The following DNM3 variants were observed in gnomAD, a reference collection of about 807,000 sequenced individuals.
The protein encoded by DNM3 is dynamin 3, also known as dynamin-3.
DNM3 carries 47 observed loss-of-function variants against 101.6 expected under a neutral mutation model. The ratio of observed to expected loss-of-function variants is 0.46; its 90% confidence interval spans 0.37 to 0.59. DNM3 has a LOEUF of 0.59. DNM3 is among the 20% of genes least tolerant of loss of function. DNM3 has a pLI of 0.00. For synonymous variants in DNM3, 385 were observed against 387.9 expected (o/e 0.99, Z 0.09); for missense variants, 849 against 1,085.7 (o/e 0.78, Z 3.06).
In DNM3 at chr1:171,841,858, C is replaced by G. The variant is rs200965337; in HGVS notation, c.161+41C>G. On this transcript the variant is annotated intron_variant, in intron 1 of 20. Coordinates refer to ENST00000627582, the MANE Select transcript of DNM3 (RefSeq NM_015569.5). ...GCGGAGTAAGGATGCGGCAGTGGGG[C>G]GACCCCGCTGCGGGCCGTTGGAACG... is the stretch of plus-strand genomic sequence containing the variant. 1,180 of 1,578,108 alleles carry G rather than the reference C, an allele frequency of 7.5e-4. 18 individuals carry two copies. In the East Asian group the frequency reaches 0.024, roughly 32 times the overall value.
intron 16 of DNM3, among the ~76,000 whole-genome samples, chr1:172,322,456 C>CTTA (rs1180825024): frequency 7.9e-5 from 12 of 152,204 alleles, no homozygotes; most frequent in Non-Finnish European, 1.8e-4. Flanking sequence ...GAATCACCGT[C>CTTA]TTATTTTTTT....
chr1:172,186,312 C>A (rs930590657), intron 14 of DNM3, among the ~76,000 whole-genome samples: 2 of 151,516 alleles, frequency 1.3e-5, no homozygotes, highest in Non-Finnish European at 2.9e-5. Flanking sequence ...CCCAGAAAGG[C>A]AACATGACCT....
chr1:172,109,547 A>G (rs1350170050), intron 13 of DNM3, among the ~76,000 whole-genome samples: 1 of 152,204 alleles, frequency 6.6e-6, no homozygotes, highest in Non-Finnish European at 1.5e-5. Context: ...CCTGGAGTTC[A>G]TAATTCATGT....
At chr1:172,287,084 G>A (rs546554816) in intron 15 of DNM3, among the ~76,000 whole-genome samples, 1 of 152,264 alleles carries the variant, frequency 6.6e-6, no homozygotes, top group South Asian at 2.1e-4. Context: ...CTCTTTTGAG[G>A]GGAAGAAAAT....
intron 17 of DNM3, among the ~76,000 whole-genome samples, chr1:172,373,570 A>C (rs2068456214): frequency 6.6e-6 from 1 of 152,090 alleles, no homozygotes; most frequent in Non-Finnish European, 1.5e-5. Context: ...TTTATTATAA[A>C]TGCAGCCATA....
At chr1:171,890,609 C>T (rs2037183053) in intron 1 of DNM3, among the ~76,000 whole-genome samples, 1 of 152,038 alleles carries the variant, frequency 6.6e-6, no homozygotes, top group Non-Finnish European at 1.5e-5. Flanking sequence ...GAAAAGATAT[C>T]ATTAAGTTGT....
At chr1:171,888,473 T>C (rs2036975363) in intron 1 of DNM3, among the ~76,000 whole-genome samples, 1 of 152,240 alleles carries the variant, frequency 6.6e-6, no homozygotes, top group Admixed American at 6.5e-5. Flanking sequence ...TTCTGCAGTA[T>C]AGAGGAAAGG....
chr1:172,294,789 G>A (rs2064081327), intron 15 of DNM3, among the ~76,000 whole-genome samples: 2 of 146,002 alleles, frequency 1.4e-5, no homozygotes, highest in African/African-American at 2.6e-5. Context: ...CTGCAAGGCT[G>A]TAGTCCCGGC....
intron 14 of DNM3, among the ~76,000 whole-genome samples, chr1:172,241,913 A>G (rs1357050849): frequency 6.6e-6 from 1 of 152,172 alleles, no homozygotes; most frequent in African/African-American, 2.4e-5. Context: ...AGGATTTTGA[A>G]TTGCACTCAA....
At chr1:172,201,549 C>G (rs2060152825) in intron 14 of DNM3, among the ~76,000 whole-genome samples, 1 of 152,166 alleles carries the variant, frequency 6.6e-6, no homozygotes, top group Non-Finnish European at 1.5e-5. Context: ...CCAGGGGTTC[C>G]CTGTGTGGTG....
intron 2 of DNM3, among the ~76,000 whole-genome samples, chr1:171,947,036 C>T (rs1232343466): frequency 6.6e-6 from 1 of 152,198 alleles, no homozygotes; most frequent in African/African-American, 2.4e-5. Flanking sequence ...TGGGACCAAA[C>T]AAACGATATG....
At chr1:172,089,234 T>G (rs2053743257) in intron 12 of DNM3, among the ~76,000 whole-genome samples, 1 of 152,274 alleles carries the variant, frequency 6.6e-6, no homozygotes, top group African/African-American at 2.4e-5. Context: ...TCATTACTTG[T>G]ACCAGACAAA....
At chr1:171,855,847 C>A (rs1489017507) in intron 1 of DNM3, among the ~76,000 whole-genome samples, 1 of 152,076 alleles carries the variant, frequency 6.6e-6, no homozygotes, top group Non-Finnish European at 1.5e-5. Context: ...TTGATAGTTT[C>A]TTTTGCAGAA....
intron 14 of DNM3, among the ~76,000 whole-genome samples, chr1:172,238,916 A>G (rs949134894): frequency 5.3e-5 from 8 of 152,142 alleles, no homozygotes; most frequent in Non-Finnish European, 1.2e-4. Flanking sequence ...ACATTCTGCC[A>G]CAAAAGGCAA....
chr1:172,289,682 G>A (rs1281088716), intron 15 of DNM3: 2 of 984,650 alleles, frequency 2.0e-6, no homozygotes, highest in Non-Finnish European at 1.2e-6. Context: ...ATAATAAAGT[G>A]TACCTGATTG....
chr1:171,992,493 TA>T (rs949685949), intron 4 of DNM3, among the ~76,000 whole-genome samples: 6 of 151,596 alleles, frequency 4.0e-5, no homozygotes, highest in East Asian at 3.9e-4. Context: ...TAAATGAGAT[TA>T]AAAAAAAACT....
chr1:171,902,152 T>G (rs1379688737), intron 1 of DNM3, among the ~76,000 whole-genome samples: 1 of 152,236 alleles, frequency 6.6e-6, no homozygotes, highest in Non-Finnish European at 1.5e-5. Context: ...TTTATTAGCT[T>G]TTAAGTAACA....
At chr1:172,374,566 T>C (rs78928125) in intron 17 of DNM3, among the ~76,000 whole-genome samples, 3,967 of 152,236 alleles carry the variant, frequency 0.026, 62 homozygotes, top group Non-Finnish European at 0.039. Context: ...AAGAAGTTTT[T>C]ACATGTAAAG....
At chr1:172,138,694 A>G in intron 14 of DNM3, 1 of 275,452 alleles carries the variant, frequency 3.6e-6, no homozygotes, top group Non-Finnish European at 7.6e-6. Context: ...TATTAAACCA[A>G]CAGATTAAAA....
Sources: allele counts gnomAD v4.1 joint callset (sites outside exome capture counted in the v4.1 genomes callset), GRCh38; gene constraint gnomAD v4.1.1; transcripts MANE v1.5; gene names NCBI Gene and HGNC (gene_info 2026-07-23, HGNC 2026-07-21).